ATE1: variants seen among roughly 807,000 people sequenced by gnomAD.
ATE1 encodes the protein arginyltransferase 1, also known as arginyl-tRNA--protein transferase 1.
In ATE1, 36 loss-of-function variants were observed where a neutral mutation model predicts 70.5. The ratio of observed to expected loss-of-function variants is 0.51; its 90% CI spans 0.39 to 0.67. The LOEUF is 0.67. ATE1 is among the 30% of genes least tolerant of loss of function. The pLI is 0.00. For synonymous variants in ATE1, 232 were observed against 219.3 expected (o/e 1.06, Z -0.51); for missense variants, 593 against 629.5 (o/e 0.94, Z 0.62).
chr10:121,786,213 T>C (rs1413343138), intron 11 of ATE1, among the ~76,000 whole-genome samples: 3 of 142,778 alleles, frequency 2.1e-5, no homozygotes, highest in African/African-American at 7.9e-5. Flanking sequence ...TTTTTTTTTT[T>C]TTTTTTTTTT....
At chr10:121,825,509 G>T (rs1010120594) in intron 10 of ATE1, among the ~76,000 whole-genome samples, 4 of 152,168 alleles carry the variant, frequency 2.6e-5, no homozygotes, top group Admixed American at 1.3e-4. Flanking sequence ...CTCCTTACCA[G>T]TGATTAGCTC....
At chr10:121,879,334 T>A (rs575625366) in intron 7 of ATE1, among the ~76,000 whole-genome samples, 1 of 152,312 alleles carries the variant, frequency 6.6e-6, no homozygotes, top group South Asian at 2.1e-4. Flanking sequence ...CTTCCTGATA[T>A]CCTTATCTAT....
At chr10:121,885,941 A>C (rs1950381979) in intron 7 of ATE1, among the ~76,000 whole-genome samples, 1 of 152,056 alleles carries the variant, frequency 6.6e-6, no homozygotes, top group Non-Finnish European at 1.5e-5. Flanking sequence ...AAAAAGTTTC[A>C]AAATGTTCGG....
At position 121,791,348 on chromosome 10, in the gene ATE1, C is replaced by T. The variant is rs2133287606; in HGVS notation, c.1258-1059G>A. Among the ~76,000 whole-genome samples the T allele has an allele frequency of 1.3e-5, 2 of 152,094 alleles. 1 individual carries two copies. The highest frequency in any genetic ancestry group is 4.2e-4 in the South Asian group (2 of 4,812). On this transcript the variant is annotated intron_variant, in intron 10 of 11. Coordinates refer to ENST00000224652, the MANE Select transcript of ATE1 (RefSeq NM_001001976.3). ...ACCTCAGGTGATCCGCCCACCTCAG[C>T]CTCCCAAAGTGCTGGGATTACAGGC...
At chr10:121,887,077 T>C (rs562949640) in intron 7 of ATE1, among the ~76,000 whole-genome samples, 2 of 152,240 alleles carry the variant, frequency 1.3e-5, no homozygotes, top group East Asian at 1.9e-4. Context: ...AAAATTACAA[T>C]AAATGATAGA....
chr10:121,751,475 G>A (rs565113385), intron 11 of ATE1, among the ~76,000 whole-genome samples: 1 of 152,308 alleles, frequency 6.6e-6, no homozygotes, highest in South Asian at 2.1e-4. Context: ...CATGAGCACT[G>A]CTATTAGCTG....
chr10:121,812,401 G>T (rs10886991), intron 10 of ATE1, among the ~76,000 whole-genome samples: 79,412 of 151,780 alleles, frequency 0.52, 20,979 homozygotes, highest in South Asian at 0.55. Context: ...TCAATAAATG[G>T]CAACAAAGGG....
At chr10:121,854,955 A>T (rs1949191909) in intron 8 of ATE1, among the ~76,000 whole-genome samples, 1 of 152,146 alleles carries the variant, frequency 6.6e-6, no homozygotes, top group South Asian at 2.1e-4. Flanking sequence ...ACCTTACCCA[A>T]AACAAACCCA....
At chr10:121,910,586 AGAAT>A (rs1458072423) in intron 5 of ATE1, among the ~76,000 whole-genome samples, 1 of 152,208 alleles carries the variant, frequency 6.6e-6, no homozygotes, top group Middle Eastern at 3.2e-3. Context: ...TGTTAAAATA[AGAAT>A]GTTTATCACT....
At chr10:121,914,746 GA>G (rs1460936422) in intron 3 of ATE1, among the ~76,000 whole-genome samples, 1 of 152,094 alleles carries the variant, frequency 6.6e-6, no homozygotes, top group Non-Finnish European at 1.5e-5. Context: ...GAGTAACATA[GA>G]GCCTCTTACA....
At chr10:121,845,809 CTAAT>C (rs1180399471) in intron 8 of ATE1, among the ~76,000 whole-genome samples, 2 of 152,220 alleles carry the variant, frequency 1.3e-5, no homozygotes, top group African/African-American at 4.8e-5. Context: ...GTTGGAAACA[CTAAT>C]AAGAACTCAT....
At chr10:121,856,729 A>G (rs1192057770) in intron 8 of ATE1, among the ~76,000 whole-genome samples, 4 of 152,230 alleles carry the variant, frequency 2.6e-5, no homozygotes, top group African/African-American at 9.6e-5. Flanking sequence ...AAAATATTTC[A>G]GTGCCAAAAA....
chr10:121,779,245 G>C (rs1031300812), intron 11 of ATE1, among the ~76,000 whole-genome samples: 6 of 152,064 alleles, frequency 3.9e-5, no homozygotes, highest in Non-Finnish European at 2.9e-5. Flanking sequence ...CAATGGCCTG[G>C]TAAGTTCCCA....
At chr10:121,908,505 A>G (rs1000835784) in intron 5 of ATE1, among the ~76,000 whole-genome samples, 1 of 152,230 alleles carries the variant, frequency 6.6e-6, no homozygotes, top group Non-Finnish European at 1.5e-5. Flanking sequence ...TTCTTTCAAA[A>G]AAAAAGAACA....
At chr10:121,871,111 T>C (rs1028187348) in intron 7 of ATE1, among the ~76,000 whole-genome samples, 1 of 152,182 alleles carries the variant, frequency 6.6e-6, no homozygotes, top group Non-Finnish European at 1.5e-5. Flanking sequence ...TGGGATTCCC[T>C]TCATGATCAT....
At chr10:121,927,193 T>C (rs1952126782) in intron 1 of ATE1, 1 of 985,274 alleles carries the variant, frequency 1.0e-6, no homozygotes, top group Non-Finnish European at 1.2e-6. Context: ...CAAAACAAAC[T>C]TGTGGGCTGG....
chr10:121,892,360 GTCAT>G (rs1950608232), intron 7 of ATE1, among the ~76,000 whole-genome samples: 1 of 152,126 alleles, frequency 6.6e-6, no homozygotes, highest in East Asian at 1.9e-4. Context: ...GACCAGAGGT[GTCAT>G]TCAAAGAGAG....
rs1948652825 is a variant in ATE1, at chr10:121,842,107, G to T, written c.976-844C>A. 2.6e-5 allele frequency among the ~76,000 whole-genome samples: 4 copies of T among 152,076 alleles called. No homozygotes were observed. The South Asian group carries it at 8.3e-4, about 32-fold the overall frequency. ...GTATCTTCTAGGTGAGAGTTCTTGT[G>T]TAAGTACAAAGGACTATGATACTTC... On this transcript the variant is annotated intron_variant, in intron 8 of 11. Transcript: ENST00000224652.
At chr10:121,878,318 C>T (rs1168925674) in intron 7 of ATE1, among the ~76,000 whole-genome samples, 2 of 152,006 alleles carry the variant, frequency 1.3e-5, no homozygotes, top group African/African-American at 2.4e-5. Context: ...TTTGGCCAGG[C>T]GTGTTGTTTC....
Sources: allele counts gnomAD v4.1 joint callset (sites outside exome capture counted in the v4.1 genomes callset), GRCh38; gene constraint gnomAD v4.1.1; transcripts MANE v1.5; gene names NCBI Gene and HGNC (gene_info 2026-07-23, HGNC 2026-07-21).